Variants in RNF125 observed in about 807,000 individuals in gnomAD.
RNF125 encodes the protein ring finger protein 125, also known as E3 ubiquitin-protein ligase RNF125.
Under a neutral mutation model 26.0 loss-of-function variants are expected in RNF125, and 21 were observed. That is an observed-to-expected ratio of 0.81 (90% confidence interval 0.57 to 1.16). The LOEUF (loss-of-function observed/expected upper bound fraction) is 1.16, where lower values mean the gene tolerates loss of function less well. RNF125 is among the 50% of genes most tolerant of loss of function. RNF125 has a pLI of 0.00. For synonymous variants in RNF125, 95 were observed against 109.2 expected, an observed-to-expected ratio of 0.87 and a Z score of 0.81; for missense variants, 270 against 299.4, an observed-to-expected ratio of 0.90 and a Z score of 0.72.
intron 4 of RNF125, among the ~76,000 whole-genome samples, chr18:32,048,038 G>A (rs618790): frequency 0.4 from 61,353 of 151,768 alleles, 12,367 homozygotes; most frequent in South Asian, 0.44. Context: ...TGAGGTGGGA[G>A]GATTGCTTGA....
At chr18:32,088,339 C>G in the RNF125 span, among the ~76,000 whole-genome samples, 1 of 152,168 alleles carries the variant, frequency 6.6e-6, no homozygotes, top group East Asian at 1.9e-4. Flanking sequence ...CTTCCCAGTT[C>G]ACTTCTTCAA....
chr18:32,028,652 T>C (rs1250890203), intron 1 of RNF125, among the ~76,000 whole-genome samples: 1 of 150,488 alleles, frequency 6.6e-6, no homozygotes, highest in Non-Finnish European at 1.5e-5. Context: ...TGGCGTGATC[T>C]CAGCTCACTG....
At chr18:32,045,200 T>A (rs935423983) in intron 3 of RNF125, among the ~76,000 whole-genome samples, 4 of 151,998 alleles carry the variant, frequency 2.6e-5, no homozygotes, top group Admixed American at 6.6e-5. Context: ...CACTTAGGAA[T>A]ATTTGTCACT....
chr18:32,026,404 A>T (rs971819011), intron 1 of RNF125, among the ~76,000 whole-genome samples: 5 of 151,568 alleles, frequency 3.3e-5, no homozygotes, highest in African/African-American at 9.7e-5. Flanking sequence ...GTGTGCCACC[A>T]CACCCACCTA....
chr18:32,049,075 T>C (rs1381734979), intron 4 of RNF125, among the ~76,000 whole-genome samples: 1 of 152,218 alleles, frequency 6.6e-6, no homozygotes, highest in Non-Finnish European at 1.5e-5. Flanking sequence ...GGCCGTGTAC[T>C]GGTCAGTTCC....
At chr18:32,090,464 A>T in the RNF125 span, among the ~76,000 whole-genome samples, 3 of 152,180 alleles carry the variant, frequency 2.0e-5, no homozygotes, top group Non-Finnish European at 4.4e-5. Flanking sequence ...AGCAACAAAA[A>T]TACAAAATAT....
chr18:32,085,846 G>T, the RNF125 span, among the ~76,000 whole-genome samples: 1 of 151,820 alleles, frequency 6.6e-6, no homozygotes, highest in African/African-American at 2.4e-5. Context: ...GTTTATAAGA[G>T]TCAGCTCCAA....
At chr18:32,049,235 T>G (rs2039301417) in intron 4 of RNF125, among the ~76,000 whole-genome samples, 1 of 152,164 alleles carries the variant, frequency 6.6e-6, no homozygotes, top group Non-Finnish European at 1.5e-5. Context: ...GGAAACAAAC[T>G]AGGAATGGTG....
At chr18:32,064,602 A>G (rs549385933) in intron 4 of RNF125, among the ~76,000 whole-genome samples, 81 of 151,864 alleles carry the variant, frequency 5.3e-4, no homozygotes, top group Non-Finnish European at 9.0e-4. Context: ...GGCAAAACCT[A>G]GTGAAATCTT....
At chr18:32,034,778 G>T (rs1385149182) in intron 1 of RNF125, among the ~76,000 whole-genome samples, 1 of 151,862 alleles carries the variant, frequency 6.6e-6, no homozygotes, top group Non-Finnish European at 1.5e-5. Flanking sequence ...AGCCGGGCAT[G>T]GTGGTGCACA....
chr18:32,088,959 C>G, the RNF125 span, among the ~76,000 whole-genome samples: 1 of 152,234 alleles, frequency 6.6e-6, no homozygotes, highest in African/African-American at 2.4e-5. Context: ...CCTGGAAGCA[C>G]ATGGCCTTAC....
intron 5 of RNF125, among the ~76,000 whole-genome samples, chr18:32,067,126 G>C (rs547986746): frequency 6.6e-6 from 1 of 152,288 alleles, no homozygotes; most frequent in South Asian, 2.1e-4. Flanking sequence ...GGTGGCGGGC[G>C]CCTGTGGTCC....
chr18:32,054,382 C>T (rs142886309), intron 4 of RNF125, among the ~76,000 whole-genome samples: 2,415 of 152,186 alleles, frequency 0.016, 66 homozygotes, highest in African/African-American at 0.055. Context: ...CATGAGCCAC[C>T]GCATCTGCCC....
chr18:32,078,359 C>A, the RNF125 span, among the ~76,000 whole-genome samples: 1 of 151,936 alleles, frequency 6.6e-6, no homozygotes, highest in Non-Finnish European at 1.5e-5. Context: ...AGGAGTGGGA[C>A]GTAATAAAGT....
chr18:32,049,544 T>C (rs527393560), intron 4 of RNF125, among the ~76,000 whole-genome samples: 1 of 149,994 alleles, frequency 6.7e-6, no homozygotes, highest in African/African-American at 2.5e-5. Context: ...TTAGAGGAAG[T>C]GATGTCCTCT....
At chr18:32,090,445 A>C in the RNF125 span, among the ~76,000 whole-genome samples, 1 of 152,198 alleles carries the variant, frequency 6.6e-6, no homozygotes. Flanking sequence ...CTTGCTGCTA[A>C]GGAGGAAAAG....
At chr18:32,047,263 C>A in intron 4 of RNF125, among the ~76,000 whole-genome samples, 1 of 152,172 alleles carries the variant, frequency 6.6e-6, no homozygotes, top group East Asian at 1.9e-4. Context: ...TGGTCTCGAT[C>A]TTCTGACCTT....
chr18:32,053,861 T>A (rs1361523998), intron 4 of RNF125, among the ~76,000 whole-genome samples: 1 of 151,338 alleles, frequency 6.6e-6, no homozygotes, highest in Non-Finnish European at 1.5e-5. Context: ...AAGGGAGGGG[T>A]GTCTTATTGA....
chr18:32,057,277 A>T (rs920113252), intron 4 of RNF125, among the ~76,000 whole-genome samples: 8 of 151,796 alleles, frequency 5.3e-5, no homozygotes, highest in African/African-American at 1.7e-4. Flanking sequence ...CTTTTTTATG[A>T]TTGAGTCATA....
Sources: gnomAD v4.1 joint callset for allele counts (sites outside exome capture counted in the v4.1 genomes callset) on GRCh38, gnomAD v4.1.1 for gene constraint, MANE v1.5 for transcripts, NCBI Gene and HGNC (gene_info 2026-07-23, HGNC 2026-07-21) for gene names.